FOXN2: variants seen among roughly 807,000 people sequenced by gnomAD.
FOXN2 encodes forkhead box N2.
A neutral mutation model predicts 41.2 loss-of-function variants in FOXN2; 19 were observed. The observed-to-expected ratio is 0.46, with a 90% confidence interval of 0.32 to 0.68. FOXN2 has a LOEUF of 0.68. Among genes scored for constraint, FOXN2 ranks in the 30% least tolerant of loss-of-function variants. The pLI is 0.03. For synonymous variants in FOXN2, 195 were observed against 176.8 expected (o/e 1.10, Z -0.82); for missense variants, 587 against 509.4 (o/e 1.15, Z -1.47).
chr2:48,319,509 C>G (rs1385102602), intron 1 of FOXN2, among the ~76,000 whole-genome samples: 1 of 151,668 alleles, frequency 6.6e-6, no homozygotes, highest in Non-Finnish European at 1.5e-5. Flanking sequence ...GGGTTAACTA[C>G]AAAACACTCT....
rs775213958 is a variant in FOXN2, at chr2:48,373,395, A to G, written c.772+35A>G. The G allele has an allele frequency of 2.3e-6, 3 of 1,295,278 alleles. No individual in the cohort carries two copies. In the African/African-American group the frequency reaches 4.5e-5, roughly 20 times the overall value. The allele number at this position is 1,295,278 out of a possible 1,614,324, so 80.2% of individuals were successfully genotyped here. A position where few individuals can be genotyped will look rare whatever the true frequency, so the allele number is the denominator to read the frequency against. ...CATGCCTTTTTTAAAAAAAAATTTT[A>G]GTGCCTTTTCAAATTTAACCTAGAC... On this transcript the variant is annotated intron_variant, in intron 6 of 6. Coordinates refer to ENST00000340553, the MANE Select transcript of FOXN2 (RefSeq NM_002158.4).
chr2:48,348,086 T>C (rs531742810), intron 3 of FOXN2, among the ~76,000 whole-genome samples: 1 of 152,290 alleles, frequency 6.6e-6, no homozygotes, highest in African/African-American at 2.4e-5. Context: ...TTCTTAAATA[T>C]ATGGTTTATT....
chr2:48,328,308 A>G (rs1015809677), intron 1 of FOXN2, among the ~76,000 whole-genome samples: 1 of 152,218 alleles, frequency 6.6e-6, no homozygotes, highest in Non-Finnish European at 1.5e-5. Flanking sequence ...GACCTCCTGA[A>G]GATACCAAAA....
intron 2 of FOXN2, among the ~76,000 whole-genome samples, chr2:48,338,672 T>TA (rs771694404): frequency 2.6e-5 from 4 of 152,188 alleles, no homozygotes; most frequent in Non-Finnish European, 4.4e-5. Flanking sequence ...GTGCTGAGAT[T>TA]ACAGGCATGA....
intron 2 of FOXN2, among the ~76,000 whole-genome samples, chr2:48,336,598 GAGAAAAAAGAATCATTCCA>G (rs1431269056): frequency 2.0e-5 from 3 of 151,578 alleles, no homozygotes; most frequent in African/African-American, 4.8e-5. Context: ...AAAATGGAAT[GAGAAAAAAGAATCATTCCA>G]AAGAAGGCAA....
intron 3 of FOXN2, among the ~76,000 whole-genome samples, chr2:48,350,974 T>C (rs146030395): frequency 6.6e-6 from 1 of 152,300 alleles, no homozygotes; most frequent in African/African-American, 2.4e-5. Flanking sequence ...TATTTTATTT[T>C]TTTTATTTTG....
At chr2:48,360,297 T>TG (rs1672086374) in intron 4 of FOXN2, among the ~76,000 whole-genome samples, 1 of 152,144 alleles carries the variant, frequency 6.6e-6, no homozygotes, top group African/African-American at 2.4e-5. Flanking sequence ...TAGTTTATAA[T>TG]GGCTAACTTG....
At chr2:48,327,544 C>G (rs1362159664) in intron 1 of FOXN2, among the ~76,000 whole-genome samples, 1 of 152,002 alleles carries the variant, frequency 6.6e-6, no homozygotes, top group East Asian at 1.9e-4. Flanking sequence ...CTCCTGGGTT[C>G]AAGGGATTCT....
At chr2:48,364,177 A>C (rs1672379690) in intron 5 of FOXN2, among the ~76,000 whole-genome samples, 1 of 152,184 alleles carries the variant, frequency 6.6e-6, no homozygotes, top group Admixed American at 6.5e-5. Flanking sequence ...AAAAACATTT[A>C]TTAAAGAGAA....
At position 48,377,564 on chromosome 2, in the gene FOXN2, T is replaced by G. The variant is rs149960501; in HGVS notation, c.*2121T>G. The G allele has an allele frequency of 1.3e-5, 2 of 152,138 alleles. No homozygotes were observed. The highest frequency in any genetic ancestry group is 4.8e-5 in the African/African-American group (2 of 41,564). The allele number at this position is 152,138 out of a possible 1,614,324, so 9.4% of individuals were successfully genotyped here. A position where few individuals can be genotyped will look rare whatever the true frequency, so the allele number is the denominator to read the frequency against. On this transcript the variant is annotated 3_prime_UTR_variant, in exon 7 of 7. Transcript: ENST00000340553. ...TCTAATAGGGATCTTCAAAGTTATT[T>G]TGTCTTGATGTATGTAACAGTAATT...
chr2:48,319,406 T>G (rs1349585098), intron 1 of FOXN2, among the ~76,000 whole-genome samples: 2 of 152,106 alleles, frequency 1.3e-5, no homozygotes, highest in Admixed American at 6.5e-5. Flanking sequence ...ACTGGGAATG[T>G]TTTTAACCAA....
Position 48,377,878 on chromosome 2 carries a change from A to G in FOXN2, c.*2435A>G, listed in dbSNP as rs1175298161. Reference sequence around the variant, plus strand: ...TCATTCCTCAGGTGTTTTGAGAAACATGACTAATAACCACACAATTAAGTA... The same window carrying G: ...TCATTCCTCAGGTGTTTTGAGAAACGTGACTAATAACCACACAATTAAGTA... On this transcript the variant is annotated 3_prime_UTR_variant, in exon 7 of 7. Transcript: ENST00000340553. 6.6e-6 allele frequency: 1 copy of G among 152,062 alleles called. No homozygotes were observed. The highest frequency in any genetic ancestry group is 2.4e-5 in the African/African-American group (1 of 41,454). The allele number at this position is 152,062 out of a possible 1,614,324, so 9.4% of individuals were successfully genotyped here.
At chr2:48,325,125 C>G (rs974231740) in intron 1 of FOXN2, among the ~76,000 whole-genome samples, 3 of 152,106 alleles carry the variant, frequency 2.0e-5, no homozygotes, top group Admixed American at 2.0e-4. Flanking sequence ...TGTTTTTGGT[C>G]TTTTGTACTT....
intron 1 of FOXN2, among the ~76,000 whole-genome samples, chr2:48,320,474 A>T (rs1669230426): frequency 6.6e-6 from 1 of 152,062 alleles, no homozygotes; most frequent in South Asian, 2.1e-4. Context: ...TATTTTTAGT[A>T]GAGACAAGGT....
chr2:48,334,072 G>GC lies in FOXN2; in HGVS notation c.-15+5371dup, dbSNP rs201364809. ...AGGTTTTTTTGGTAACTTAAATATA[G>GC]CAATTTGAGACCTTTCAGTATGGAG... On this transcript the variant is annotated intron_variant, in intron 2 of 6. Transcript: ENST00000340553. Among the ~76,000 whole-genome samples, 1,159 of 152,100 alleles carry GC rather than the reference G, an allele frequency of 7.6e-3. 23 individuals carry two copies. The highest frequency in any genetic ancestry group is 0.026 in the African/African-American group (1,093 of 41,484).
Position 48,375,131 on chromosome 2 carries a change from G to A in FOXN2, c.984G>A (p.Glu328=). ...TGTCTTCCCTGTCTTCTGTGGATGA[G>A]GTATATGAATTTATCCCAAAGAATA... ...SSVSSLSSVD[E]VYEFIPKNSH... The change falls in exon 7 of 7, where the codon GAG becomes GAA. Residue 328 remains glutamate (E), a synonymous_variant. Coordinates refer to ENST00000340553, the MANE Select transcript of FOXN2 (RefSeq NM_002158.4). 6.2e-7 allele frequency: 1 copy of A among 1,614,054 alleles called. No homozygotes were observed. Among genetic ancestry groups the A allele is most frequent in the Non-Finnish European group, 8.5e-7 (1 of 1,179,972 alleles).
intron 2 of FOXN2, among the ~76,000 whole-genome samples, chr2:48,335,365 C>T (rs1281910399): frequency 6.6e-6 from 1 of 151,912 alleles, no homozygotes; most frequent in Non-Finnish European, 1.5e-5. Flanking sequence ...AAAGGTAAAT[C>T]TTAAGAAATT....
intron 1 of FOXN2, among the ~76,000 whole-genome samples, chr2:48,317,808 A>G (rs902009089): frequency 1.3e-4 from 19 of 151,494 alleles, no homozygotes; most frequent in African/African-American, 4.4e-4. Flanking sequence ...GAGTTTTACC[A>G]TGTTGGCCAG....
rs1410589974 is a variant in FOXN2 at position 48,378,837 on chromosome 2, C to T, written c.*3394C>T. 6.6e-6 allele frequency: 1 copy of T among 152,116 alleles called. No individual in the cohort carries two copies. The highest frequency in any genetic ancestry group is 2.4e-5 in the African/African-American group (1 of 41,306). 9.4% of individuals were successfully genotyped at this position (152,116 alleles called of 1,614,324 possible). ...GCCATTTTTTTTCTTAAAGCATATT[C>T]TTTGCATCTAACTGCCAGTGCCATT... On this transcript the variant is annotated 3_prime_UTR_variant, in exon 7 of 7. Transcript: ENST00000340553.
Sources: gnomAD v4.1 joint callset for allele counts (sites outside exome capture counted in the v4.1 genomes callset) on GRCh38, gnomAD v4.1.1 for gene constraint, MANE v1.5 for transcripts, NCBI Gene and HGNC (gene_info 2026-07-23, HGNC 2026-07-21) for gene names.